SMC2: variants seen among roughly 807,000 people sequenced by gnomAD.
The protein encoded by SMC2 is structural maintenance of chromosomes protein 2.
SMC2 carries 41 observed loss-of-function variants against 142.6 expected under a neutral mutation model. That is an observed-to-expected ratio of 0.29 (90% CI 0.22 to 0.37). The LOEUF (loss-of-function observed/expected upper bound fraction) is 0.37. SMC2 is among the 10% of genes least tolerant of loss of function. SMC2 has a pLI of 1.00. For synonymous variants in SMC2, 463 were observed against 457.5 expected, an observed-to-expected ratio of 1.01 and a Z score of -0.15; for missense variants, 1,265 against 1,373.7, an observed-to-expected ratio of 0.92 and a Z score of 1.25.
intron 3 of SMC2, 122 bp downstream of exon 3, chr9:104,096,419 T>C: frequency 2.5e-6 from 2 of 802,424 alleles, no homozygotes; most frequent in Non-Finnish European, 4.1e-6. Context: ...CCTTAAATTC[T>C]GACTAGATTC....
At chr9:104,131,288 C>T (rs1054341828) in intron 21 of SMC2, among the ~76,000 whole-genome samples, 2 of 152,028 alleles carry the variant, frequency 1.3e-5, no homozygotes, top group African/African-American at 4.8e-5. Flanking sequence ...GGCCATAAGA[C>T]AATAGTGAGT....
chr9:104,103,431 T>A (rs59980163), intron 9 of SMC2, among the ~76,000 whole-genome samples: 8,608 of 152,214 alleles, frequency 0.057, 650 homozygotes, highest in African/African-American at 0.18. Context: ...TGATTTGACA[T>A]GGGATAAATA....
chr9:104,098,356 G>C, intron 3 of SMC2, 90 bp from the exon 4 acceptor site: 1 of 1,117,952 alleles, frequency 8.9e-7, no homozygotes, highest in East Asian at 2.8e-5. Flanking sequence ...TAGTCAGACA[G>C]AACAAATAAA....
chr9:104,118,565 C>G (rs955466811), intron 15 of SMC2, among the ~76,000 whole-genome samples, 190 bp downstream of exon 15: 61 of 152,092 alleles, frequency 4.0e-4, no homozygotes, highest in African/African-American at 1.4e-3. Context: ...TGAAATGGTA[C>G]CTTAATGCCT....
At chr9:104,113,188 A>G in intron 10 of SMC2, 128 bp from the exon 11 acceptor site, 1 of 607,828 alleles carries the variant, frequency 1.6e-6, no homozygotes, top group Middle Eastern at 2.8e-4. Flanking sequence ...ATACTAATCC[A>G]AGAGACCAAA....
chr9:104,132,300 C>T (rs1835068001), intron 22 of SMC2, among the ~76,000 whole-genome samples, 175 bp downstream of exon 22: 2 of 152,136 alleles, frequency 1.3e-5, no homozygotes, highest in African/African-American at 4.8e-5. Flanking sequence ...AACTTGACTA[C>T]TACCAGATCC....
At position 104,101,946 on chromosome 9, in the gene SMC2, G is replaced by A. The variant is rs372493763; in HGVS notation, c.637-14G>A. The A allele has an allele frequency of 2.2e-4, 319 of 1,451,342 alleles. No individual in the cohort carries two copies. The highest frequency in any genetic ancestry group is 2.8e-4 in the Non-Finnish European group (301 of 1,062,528). 89.9% of individuals were successfully genotyped at this position (1,451,342 alleles called of 1,614,324 possible). On this transcript the variant is annotated splice_polypyrimidine_tract_variant and intron_variant, in intron 7 of 24. Coordinates refer to ENST00000374793, the MANE Select transcript of SMC2 (RefSeq NM_006444.3). ...CAATTTTGAGTTATTCTTTTTTTGT[G>A]ATTTCTCTTTCAGGAAAGATCGTCC...
intron 4 of SMC2, 144 bp from the exon 5 acceptor site, chr9:104,099,500 C>T (rs1447283230): frequency 3.6e-6 from 2 of 552,640 alleles, no homozygotes; most frequent in Non-Finnish European, 6.4e-6. Context: ...ATTCTAGAAT[C>T]ATAGAAGAAT....
intron 13 of SMC2, 96 bp downstream of exon 13, chr9:104,114,925 TC>T: frequency 1.0e-6 from 1 of 970,166 alleles, no homozygotes; most frequent in South Asian, 2.2e-5. Flanking sequence ...TTTAAGGCTC[TC>T]CCCTAAGGTG....
rs568078388 is a variant in SMC2, at chr9:104,097,486, A to G, written c.319-960A>G. Among the ~76,000 whole-genome samples the G allele has an allele frequency of 8.1e-5, 11 of 136,518 alleles. 1 individual carries two copies. The South Asian group carries it at 1.4e-3, about 17-fold the overall frequency. 89.6% of individuals were successfully genotyped at this position (136,518 alleles called of 152,430 possible). On this transcript the variant is annotated intron_variant, in intron 3 of 24. Transcript: ENST00000374793. ...TTATCACTTACAGATTTTCTCCTCT[A>G]TTTTAATGGAAGCCTCTGGTTGAAA...
At position 104,096,258 on chromosome 9, in the gene SMC2, A is replaced by G; in HGVS notation, c.279A>G (p.Leu93=). 1 of 1,614,202 alleles carries G rather than the reference A, an allele frequency of 6.2e-7. No homozygotes were observed. Among genetic ancestry groups the G allele is most frequent in the Non-Finnish European group, 8.5e-7 (1 of 1,180,000 alleles). The part of the protein sequence containing the change: ...FDNSDKKQSP[L]GFEVHDEITV... ...ATTCTGACAAAAAGCAAAGTCCTTTAGGATTTGAGGTTCATGATGAAATCA... is the reference window on the plus strand; with the variant it reads ...ATTCTGACAAAAAGCAAAGTCCTTTGGGATTTGAGGTTCATGATGAAATCA... Residue 93 remains leucine, a synonymous_variant, in exon 3 of 25, where the codon TTA becomes TTG. Transcript: ENST00000374793.
rs114741345 is a variant in SMC2, at chr9:104,102,256, G to A, written c.870+63G>A. 937 of 1,101,258 alleles carry A rather than the reference G, an allele frequency of 8.5e-4. 8 individuals carry two copies. The African/African-American group carries it at 0.011, about 13-fold the overall frequency. The allele number at this position is 1,101,258 out of a possible 1,614,324, so 68.2% of individuals were successfully genotyped here. On this transcript the variant is annotated intron_variant, in intron 8 of 24. Transcript: ENST00000374793. ...TGAAAAACGTACTAAATTATATATA[G>A]TAACTATTTAGGATTCATTGGGCAT... is the stretch of plus-strand genomic sequence containing the variant.
At chr9:104,129,592 A>AT (rs1423153722) in intron 20 of SMC2, 53 bp from the exon 21 acceptor site, 1 of 1,350,810 alleles carries the variant, frequency 7.4e-7, no homozygotes, top group African/African-American at 1.4e-5. Flanking sequence ...TGGCTTATAC[A>AT]TATTGGTTTG....
At position 104,113,492 on chromosome 9, in the gene SMC2, A is replaced by T. The variant is rs761007778; in HGVS notation, c.1414+17A>T. The T allele has an allele frequency of 8.9e-6, 14 of 1,578,008 alleles. No homozygotes were observed. The highest frequency in any genetic ancestry group is 1.4e-5 in the African/African-American group (1 of 72,748). On this transcript the variant is annotated intron_variant, in intron 11 of 24. Transcript: ENST00000374793. ...ATTATGAAGGTTTGCCTTTAAAAAC[A>T]TGATAATCAGATCATGAGGAGGTAG... is the stretch of plus-strand genomic sequence containing the variant.
the SMC2 span, among the ~76,000 whole-genome samples, chr9:104,088,637 C>A: frequency 1.3e-5 from 1 of 76,942 alleles, no homozygotes; most frequent in African/African-American, 6.4e-5. Context: ...TGTTCCATAA[C>A]CTGCCTTCTG....
In SMC2 at chr9:104,139,150, G is replaced by C. The variant is rs1468588591; in HGVS notation, c.3429G>C (p.Val1143=). Residue 1143 remains valine (V), a synonymous_variant, in exon 25 of 25, where the codon GTG becomes GTC. Coordinates refer to ENST00000374793, the MANE Select transcript of SMC2 (RefSeq NM_006444.3). ...CTTTTTTCCTTAAGTTCATTGTGGT[G>C]TCACTAAAAGAAGGTATGTTCAACA... is the stretch of plus-strand genomic sequence containing the variant. The part of the protein sequence containing the change: ...THFTHSQFIV[V]SLKEGMFNNA... The C allele has an allele frequency of 6.4e-7, 1 of 1,556,190 alleles. No homozygotes were observed. The highest frequency in any genetic ancestry group is 1.4e-5 in the African/African-American group (1 of 70,424).
Position 104,096,314 on chromosome 9 carries a change from C to A in SMC2, c.318+17C>A. Reference sequence around the variant, plus strand: ...ACAAGGCAGGTGAGTGGCAATTAAACCTTTGGGTATCTTAAGACCTTTTAT... The same window carrying A: ...ACAAGGCAGGTGAGTGGCAATTAAAACTTTGGGTATCTTAAGACCTTTTAT... On this transcript the variant is annotated intron_variant, in intron 3 of 24. Transcript: ENST00000374793. 6.2e-7 allele frequency: 1 copy of A among 1,612,354 alleles called. No homozygotes were observed.
At chr9:104,091,190 C>T (rs1829977712), upstream of SMC2, among the ~76,000 whole-genome samples, 1 of 152,182 alleles carries the variant, frequency 6.6e-6, no homozygotes, top group Non-Finnish European at 1.5e-5. Flanking sequence ...AGAAACGCCT[C>T]ATTAGGCAAT....
intron 3 of SMC2, among the ~76,000 whole-genome samples, chr9:104,097,914 A>G (rs1032024167): frequency 4.7e-5 from 7 of 149,316 alleles, no homozygotes; most frequent in African/African-American, 1.7e-4. Flanking sequence ...AATAAATGAC[A>G]ATTTAAGTGT....
Sources: gnomAD v4.1 joint callset for allele counts (sites outside exome capture counted in the v4.1 genomes callset) on GRCh38, gnomAD v4.1.1 for gene constraint, MANE v1.5 for transcripts, NCBI Gene and HGNC (gene_info 2026-07-23, HGNC 2026-07-21) for gene names.